Variants in UMAD1 observed in about 807,000 individuals in gnomAD.
The protein encoded by UMAD1 is UBAP1-MVB12-associated (UMA)-domain containing protein 1.
UMAD1 carries 8 observed loss-of-function variants against 6.1 expected under a neutral mutation model. The ratio of observed to expected loss-of-function variants is 1.30; its 90% CI spans 0.76 to 2.35. The LOEUF (loss-of-function observed/expected upper bound fraction) is 2.35, where lower values mean the gene tolerates loss of function less well. Among genes scored for constraint, UMAD1 ranks in the 30% most tolerant of loss-of-function variants. The pLI, the probability that UMAD1 is intolerant of heterozygous loss-of-function variation, is 0.00. For synonymous variants in UMAD1, 56 were observed against 31.4 expected (o/e 1.78, Z -2.61); for missense variants, 130 against 78.4 (o/e 1.66, Z -2.49).
intron 1 of UMAD1, among the ~76,000 whole-genome samples, chr7:7,660,535 G>C (rs538558074): frequency 1.5e-4 from 23 of 152,298 alleles, no homozygotes; most frequent in African/African-American, 5.3e-4. Context: ...TGTTTGTAAA[G>C]GATTTTATTT....
chr7:7,823,608 T>C (rs1366974638), intron 3 of UMAD1, among the ~76,000 whole-genome samples: 1 of 152,116 alleles, frequency 6.6e-6, no homozygotes, highest in East Asian at 1.9e-4. Flanking sequence ...TTGGGCAGGC[T>C]CTATTCACAT....
intron 2 of UMAD1, among the ~76,000 whole-genome samples, chr7:7,797,861 G>A (rs10245278): frequency 0.05 from 7,649 of 151,998 alleles, 219 homozygotes; most frequent in Middle Eastern, 0.071. Context: ...GCTAATTTTT[G>A]TATTTTTGTT....
intron 2 of UMAD1, among the ~76,000 whole-genome samples, chr7:7,715,738 G>A (rs1420132914): frequency 2.6e-5 from 4 of 152,156 alleles, no homozygotes; most frequent in Non-Finnish European, 4.4e-5. Flanking sequence ...ATGAATCAGA[G>A]TATGTAAAGA....
intron 2 of UMAD1, among the ~76,000 whole-genome samples, chr7:7,730,051 C>T (rs1223491516): frequency 6.6e-6 from 1 of 152,138 alleles, no homozygotes; most frequent in Non-Finnish European, 1.5e-5. Context: ...TGGATAAACT[C>T]GACTTTTCCC....
chr7:7,866,351 G>A (rs1295179651), intron 3 of UMAD1, among the ~76,000 whole-genome samples: 2 of 152,202 alleles, frequency 1.3e-5, no homozygotes, highest in African/African-American at 4.8e-5. Flanking sequence ...CTAGTCGAGT[G>A]TGATGTGTGC....
intron 3 of UMAD1, among the ~76,000 whole-genome samples, chr7:7,820,696 G>T (rs986079487): frequency 2.0e-5 from 3 of 151,738 alleles, no homozygotes; most frequent in African/African-American, 7.3e-5. Context: ...AGTGTATTTT[G>T]GTACTCATTT....
intron 1 of UMAD1, among the ~76,000 whole-genome samples, chr7:7,667,773 A>G (rs1430733120): frequency 6.6e-6 from 1 of 152,222 alleles, no homozygotes; most frequent in East Asian, 1.9e-4. Flanking sequence ...AGAAAGTCCA[A>G]CACAGACGTC....
chr7:7,706,754 C>G (rs1180463296), intron 2 of UMAD1, among the ~76,000 whole-genome samples: 1 of 152,188 alleles, frequency 6.6e-6, no homozygotes, highest in East Asian at 1.9e-4. Context: ...TAGTAAGTGA[C>G]AGCTGGGATT....
chr7:7,816,337 G>C (rs189973800), intron 3 of UMAD1, among the ~76,000 whole-genome samples: 1 of 152,144 alleles, frequency 6.6e-6, no homozygotes, highest in Non-Finnish European at 1.5e-5. Context: ...TCTCTTTTCC[G>C]TAGTGCCTTC....
At chr7:7,811,925 A>T (rs1051764219) in intron 3 of UMAD1, among the ~76,000 whole-genome samples, 25 of 152,106 alleles carry the variant, frequency 1.6e-4, no homozygotes, top group African/African-American at 5.6e-4. Context: ...TCTATAGGTA[A>T]TCTTGACTTA....
chr7:7,641,064 G>A (rs28916290), intron 1 of UMAD1: 2,156 of 152,856 alleles, frequency 0.014, 38 homozygotes, highest in African/African-American at 0.042. Context: ...TTGGAGATGG[G>A]CAGCGGGGTC....
chr7:7,696,498 A>G (rs1411681501), intron 2 of UMAD1, among the ~76,000 whole-genome samples: 3 of 152,194 alleles, frequency 2.0e-5, no homozygotes, highest in African/African-American at 7.2e-5. Context: ...AACCTGTTAT[A>G]TGAATTTAGT....
intron 2 of UMAD1, among the ~76,000 whole-genome samples, chr7:7,701,218 T>A (rs1780455119): frequency 6.6e-6 from 1 of 151,730 alleles, no homozygotes; most frequent in Admixed American, 6.6e-5. Context: ...AGGAATGAAC[T>A]GTATCATTTC....
At chr7:7,669,445 A>G (rs1399494573) in intron 1 of UMAD1, among the ~76,000 whole-genome samples, 1 of 152,170 alleles carries the variant, frequency 6.6e-6, no homozygotes, top group Non-Finnish European at 1.5e-5. Flanking sequence ...ACGTTTTTAT[A>G]CCACTGTGTG....
At chr7:7,685,800 CA>C (rs1780030209) in intron 2 of UMAD1, 1 of 152,158 alleles carries the variant, frequency 6.6e-6, no homozygotes, top group Admixed American at 6.5e-5. Flanking sequence ...TTTCTTCCTT[CA>C]TTATATCATG....
chr7:7,790,797 G>T (rs1782554275), intron 2 of UMAD1, among the ~76,000 whole-genome samples: 1 of 152,136 alleles, frequency 6.6e-6, no homozygotes, highest in Non-Finnish European at 1.5e-5. Context: ...ACTGAACTCT[G>T]TCTTCATCTA....
intron 2 of UMAD1, among the ~76,000 whole-genome samples, chr7:7,717,846 A>G (rs1168906152): frequency 6.6e-6 from 1 of 152,174 alleles, no homozygotes. Flanking sequence ...GCTTAAGTTT[A>G]TGATTGGCCA....
intron 2 of UMAD1, among the ~76,000 whole-genome samples, chr7:7,699,034 T>C (rs1457031957): frequency 2.4e-5 from 3 of 127,130 alleles, no homozygotes; most frequent in African/African-American, 6.0e-5. Flanking sequence ...TTTATATAGT[T>C]TGTGTGTGTG....
chr7:7,681,995 T>G (rs1779924619), intron 2 of UMAD1, among the ~76,000 whole-genome samples: 1 of 152,060 alleles, frequency 6.6e-6, no homozygotes, highest in South Asian at 2.1e-4. Flanking sequence ...AAGGAACAAT[T>G]TAGATATTGT....
Sources: gnomAD v4.1 joint callset for allele counts (sites outside exome capture counted in the v4.1 genomes callset) on GRCh38, gnomAD v4.1.1 for gene constraint, MANE v1.5 for transcripts, NCBI Gene and HGNC (gene_info 2026-07-23, HGNC 2026-07-21) for gene names.